Variants in MEF2C observed in about 807,000 individuals in gnomAD.
MEF2C encodes the protein myocyte-specific enhancer factor 2C.
In MEF2C, 6 loss-of-function variants were observed where a neutral mutation model predicts 50.5. That is an observed-to-expected ratio of 0.12 (90% confidence interval 0.07 to 0.23). The LOEUF (loss-of-function observed/expected upper bound fraction) is 0.23. MEF2C is among the 10% of genes least tolerant of loss of function. The probability of loss-of-function intolerance (pLI) is 1.00; values close to 1 mark genes in which losing one functional copy is unlikely to be tolerated. For synonymous variants in MEF2C, 183 were observed against 228.0 expected (o/e 0.80, Z 1.78); for missense variants, 276 against 605.0 (o/e 0.46, Z 5.70).
chr5:88,826,842 C>CT (rs1051703238), intron 1 of MEF2C, among the ~76,000 whole-genome samples: 3 of 151,510 alleles, frequency 2.0e-5, no homozygotes, highest in Non-Finnish European at 4.4e-5. Context: ...CTTGCCACTA[C>CT]TTTTTTTCCA....
chr5:88,739,058 A>T, intron 6 of MEF2C: 1 of 982,932 alleles, frequency 1.0e-6, no homozygotes, highest in Non-Finnish European at 1.2e-6. Flanking sequence ...AATGATGCTT[A>T]CTTACTTACT....
intron 1 of MEF2C, chr5:88,827,075 T>C (rs1031937717): frequency 6.6e-6 from 1 of 151,914 alleles, no homozygotes; most frequent in African/African-American, 2.4e-5. Context: ...TCTGCTCATT[T>C]TGAGTTTGGC....
At chr5:88,759,880 G>A (rs1561868163) in intron 4 of MEF2C, among the ~76,000 whole-genome samples, 1 of 152,206 alleles carries the variant, frequency 6.6e-6, no homozygotes, top group Non-Finnish European at 1.5e-5. Flanking sequence ...TCAGGTTTGA[G>A]TGTGCAGCTA....
At chr5:88,749,304 C>A (rs890182194) in intron 5 of MEF2C, 187 bp from the exon 6 acceptor site, 1 of 967,674 alleles carries the variant, frequency 1.0e-6, no homozygotes, top group Non-Finnish European at 1.2e-6. Context: ...AAAATACATT[C>A]AATCACTGAC....
rs1334810163 is a variant in MEF2C, at chr5:88,721,072, T to G, written c.*1532A>C. 6.6e-6 allele frequency: 1 copy of G among 152,614 alleles called. No individual in the cohort carries two copies. The highest frequency in any genetic ancestry group is 1.5e-5 in the Non-Finnish European group (1 of 68,028). 9.5% of individuals were successfully genotyped at this position (152,614 alleles called of 1,614,324 possible). ...TTTCACATTTTTCTTCTGTGGGAATTTATAACTTATTCACCAAGTAAATTC... is the reference window on the plus strand; with the variant it reads ...TTTCACATTTTTCTTCTGTGGGAATGTATAACTTATTCACCAAGTAAATTC... On this transcript the variant is annotated 3_prime_UTR_variant, in exon 11 of 11. Transcript: ENST00000504921.
At chr5:88,869,276 T>TATACATATATATATATATAC (rs1554050855) in intron 1 of MEF2C, among the ~76,000 whole-genome samples, 1 of 101,740 alleles carries the variant, frequency 9.8e-6, no homozygotes, top group Non-Finnish European at 1.9e-5. Flanking sequence ...TATATATATA[T>TATACATATATATATATATAC]ACATATATAT....
At chr5:88,828,325 A>T (rs2153228255) in intron 1 of MEF2C, among the ~76,000 whole-genome samples, 1 of 152,172 alleles carries the variant, frequency 6.6e-6, no homozygotes, top group East Asian at 1.9e-4. Flanking sequence ...AGTACAATGC[A>T]GTCACTTAAA....
At chr5:88,822,174 T>C (rs2153218558) in intron 2 of MEF2C, among the ~76,000 whole-genome samples, 1 of 152,088 alleles carries the variant, frequency 6.6e-6, no homozygotes, top group East Asian at 1.9e-4. Flanking sequence ...AAAGAAGATA[T>C]AATGAATATC....
chr5:88,879,622 T>G (rs1164154382), intron 1 of MEF2C, among the ~76,000 whole-genome samples: 1 of 152,106 alleles, frequency 6.6e-6, no homozygotes, highest in African/African-American at 2.4e-5. Flanking sequence ...CTAATGCATT[T>G]AAGCCTTACA....
At chr5:88,888,031 A>G (rs1834178219), upstream of MEF2C, 1 of 152,268 alleles carries the variant, frequency 6.6e-6, no homozygotes, top group Non-Finnish European at 1.5e-5. Flanking sequence ...CAATTTGTCA[A>G]ATCGGGAAAT....
At chr5:88,787,203 TTATA>T (rs1319188461) in intron 3 of MEF2C, among the ~76,000 whole-genome samples, 1 of 152,228 alleles carries the variant, frequency 6.6e-6, no homozygotes, top group African/African-American at 2.4e-5. Context: ...CTACAGTTAT[TTATA>T]TAATCATTCA....
At chr5:88,881,320 C>T (rs1422524799) in intron 1 of MEF2C, 1 of 152,092 alleles carries the variant, frequency 6.6e-6, no homozygotes, top group Non-Finnish European at 1.5e-5. Context: ...TCTCATTTTA[C>T]CTATCAAGTT....
intron 1 of MEF2C, among the ~76,000 whole-genome samples, chr5:88,848,737 A>C (rs1443797005): frequency 6.6e-6 from 1 of 152,228 alleles, no homozygotes; most frequent in Non-Finnish European, 1.5e-5. Context: ...TGAAAGAGTT[A>C]AAAGATTTTC....
intron 1 of MEF2C, among the ~76,000 whole-genome samples, chr5:88,864,767 ATT>A (rs397881979): frequency 2.7e-4 from 38 of 139,000 alleles, no homozygotes; most frequent in Admixed American, 5.1e-4. Context: ...GTTTTTTCAA[ATT>A]TTTTTTTTTT....
chr5:88,837,598 G>A (rs1339647722), intron 1 of MEF2C, among the ~76,000 whole-genome samples: 1 of 151,988 alleles, frequency 6.6e-6, no homozygotes. Context: ...CCCCTTTCAA[G>A]TTCCTAAATG....
At chr5:88,854,234 G>A (rs1000889516) in intron 1 of MEF2C, among the ~76,000 whole-genome samples, 4 of 152,098 alleles carry the variant, frequency 2.6e-5, no homozygotes, top group Admixed American at 6.6e-5. Context: ...TATTGCCATG[G>A]GTTTATAGAG....
intron 6 of MEF2C, chr5:88,738,515 C>T: frequency 1.1e-6 from 1 of 877,374 alleles, no homozygotes; most frequent in Non-Finnish European, 1.4e-6. Context: ...CAGGAATTTG[C>T]TCAATGTCAA....
chr5:88,818,936 A>G (rs1044373276), intron 2 of MEF2C, among the ~76,000 whole-genome samples: 2 of 152,056 alleles, frequency 1.3e-5, no homozygotes, highest in East Asian at 3.9e-4. Flanking sequence ...GGAATAGCTA[A>G]TAGGTAAATT....
At chr5:88,752,672 T>C in intron 4 of MEF2C, 1 of 985,412 alleles carries the variant, frequency 1.0e-6, no homozygotes, top group Non-Finnish European at 1.2e-6. Flanking sequence ...CATATTTTGG[T>C]GTGTACCGCC....
Sources: gnomAD v4.1 joint callset for allele counts (sites outside exome capture counted in the v4.1 genomes callset) on GRCh38, gnomAD v4.1.1 for gene constraint, MANE v1.5 for transcripts, NCBI Gene and HGNC (gene_info 2026-07-23, HGNC 2026-07-21) for gene names.